The following CYSLTR1 variants were observed in gnomAD, a reference collection of about 807,000 sequenced individuals.
CYSLTR1 encodes G-protein coupled receptor HG55.
CYSLTR1 carries 1 observed loss-of-function variant against 2.1 expected under a neutral mutation model. That is an observed-to-expected ratio of 0.48 (90% CI 0.17 to 2.28). The LOEUF (loss-of-function observed/expected upper bound fraction) is 2.28, where lower values mean the gene tolerates loss of function less well. Among genes scored for constraint, CYSLTR1 ranks in the 30% most tolerant of loss-of-function variants. CYSLTR1 has a pLI of 0.26. For missense variants in CYSLTR1, 299 were observed against 250.1 expected, an observed-to-expected ratio of 1.20 and a Z score of -1.32; for synonymous variants, 110 against 89.6, an observed-to-expected ratio of 1.23 and a Z score of -1.28.
chrX:78,272,686 T>A lies in CYSLTR1; in HGVS notation c.*47A>T. ...TTTGTAAATGATTTGACAAAATACT[T>A]ATTTGGGAAACTATTTTCATTGGTT... On this transcript the variant is annotated 3_prime_UTR_variant, in exon 3 of 3. Transcript: ENST00000373304. The A allele has an allele frequency of 1.9e-6, 2 of 1,057,415 alleles. No individual in the cohort carries two copies. Among genetic ancestry groups the A allele is most frequent in the Non-Finnish European group, 1.2e-6 (1 of 806,435 alleles). 87.1% of individuals were successfully genotyped at this position (1,057,415 alleles called of 1,213,427 possible). A position where few individuals can be genotyped will look rare whatever the true frequency, so the allele number is the denominator to read the frequency against.
chrX:78,277,200 C>G (rs1431829191), intron 2 of CYSLTR1, among the ~76,000 whole-genome samples: 1 of 111,004 alleles, frequency 9.0e-6, no homozygotes, highest in African/African-American at 3.3e-5. Flanking sequence ...CAGACCTGGA[C>G]AGAGTAGGGC....
At chrX:78,274,353 G>C (rs1048312699) in intron 2 of CYSLTR1, among the ~76,000 whole-genome samples, 1 of 110,881 alleles carries the variant, frequency 9.0e-6, no homozygotes, top group East Asian at 2.8e-4. Flanking sequence ...CATGGTACTG[G>C]TACCAAAACA....
Position 78,272,668 on chromosome X carries a change from A to G in CYSLTR1, c.*65T>C, listed in dbSNP as rs201734711. The stretch of plus-strand genomic sequence containing the variant: ...AGTAAAATTTTTATTTTTTTTGTAA[A>G]TGATTTGACAAAATACTTATTTGGG... On this transcript the variant is annotated 3_prime_UTR_variant, in exon 3 of 3. Transcript: ENST00000373304. 3 of 1,024,204 alleles carry G rather than the reference A, an allele frequency of 2.9e-6. No homozygotes were observed. Among genetic ancestry groups the G allele is most frequent in the Non-Finnish European group, 3.8e-6 (3 of 781,183 alleles). The allele number at this position is 1,024,204 out of a possible 1,213,427, so 84.4% of individuals were successfully genotyped here.
chrX:78,311,496 A>C (rs1244398371), intron 1 of CYSLTR1, among the ~76,000 whole-genome samples: 4 of 112,015 alleles, frequency 3.6e-5, no homozygotes, highest in African/African-American at 1.3e-4. Flanking sequence ...CAAAGCAATT[A>C]GGCAAGGCAA....
intron 1 of CYSLTR1, among the ~76,000 whole-genome samples, chrX:78,324,461 G>A (rs900390518): frequency 9.9e-5 from 11 of 111,577 alleles, no homozygotes; most frequent in African/African-American, 3.3e-4. Context: ...TCCACCACCC[G>A]GGTTCAAGCG....
intron 2 of CYSLTR1, among the ~76,000 whole-genome samples, chrX:78,274,016 A>T (rs1349270008): frequency 1.8e-5 from 2 of 110,669 alleles, no homozygotes; most frequent in African/African-American, 6.6e-5. Context: ...ACTTCCTCTA[A>T]ATCTTCAAGA....
chrX:78,326,998 G>A (rs1388274875), intron 1 of CYSLTR1, among the ~76,000 whole-genome samples: 1 of 111,838 alleles, frequency 8.9e-6, no homozygotes, highest in Non-Finnish European at 1.9e-5. Context: ...ATGGGGATTT[G>A]AAAATGTATC....
intron 1 of CYSLTR1, among the ~76,000 whole-genome samples, chrX:78,313,397 C>T (rs1441133648): frequency 3.6e-5 from 4 of 111,197 alleles, no homozygotes; most frequent in African/African-American, 1.3e-4. Context: ...ATCATTTGTA[C>T]CCCAAACCTC....
intron 1 of CYSLTR1, among the ~76,000 whole-genome samples, chrX:78,308,470 G>C (rs1306434829): frequency 9.0e-6 from 1 of 110,963 alleles, no homozygotes; most frequent in Admixed American, 9.6e-5. Flanking sequence ...TAATAGGGCT[G>C]GAAATGGAGC....
intron 1 of CYSLTR1, among the ~76,000 whole-genome samples, chrX:78,296,157 C>T (rs1024493213): frequency 5.4e-5 from 6 of 111,543 alleles, no homozygotes; most frequent in Non-Finnish European, 9.4e-5. Flanking sequence ...AAGAGTGTGT[C>T]TTTTCCCCAG....
intron 2 of CYSLTR1, among the ~76,000 whole-genome samples, chrX:78,277,766 C>T (rs1193785842): frequency 4.5e-5 from 5 of 111,609 alleles, no homozygotes; most frequent in Admixed American, 3.8e-4. Flanking sequence ...AAGCAAAAAG[C>T]CATATGCAAA....
intron 1 of CYSLTR1, among the ~76,000 whole-genome samples, chrX:78,314,357 A>G (rs758700835): frequency 9.0e-5 from 10 of 111,566 alleles, no homozygotes; most frequent in Non-Finnish European, 1.7e-4. Flanking sequence ...GTATCAGAGG[A>G]TGGAGCAAGA....
chrX:78,306,206 C>A (rs1923024259), intron 1 of CYSLTR1, among the ~76,000 whole-genome samples: 1 of 111,136 alleles, frequency 9.0e-6, no homozygotes, highest in Non-Finnish European at 1.9e-5. Flanking sequence ...CTCTGTCACA[C>A]AGGCTGGAGT....
chrX:78,313,646 G>A (rs1321758591), intron 1 of CYSLTR1, among the ~76,000 whole-genome samples: 2 of 111,639 alleles, frequency 1.8e-5, no homozygotes, highest in Non-Finnish European at 3.8e-5. Context: ...AAGTCTATGG[G>A]CTTTAGTCAG....
In CYSLTR1 at chrX:78,307,099, G is replaced by A. The variant is rs143741885; in HGVS notation, c.-115+20206C>T. ...TGTGAAGGTGTGTTAGTTTTCTATA[G>A]TGTAACAAATTACCACCAACTAAAA... On this transcript the variant is annotated intron_variant, in intron 1 of 2. Transcript: ENST00000373304. Among the ~76,000 whole-genome samples, 303 of 112,244 alleles carry A rather than the reference G, an allele frequency of 2.7e-3. 2 individuals are homozygous for A. Among genetic ancestry groups the A allele is most frequent in the African/African-American group, 9.3e-3 (286 of 30,912 alleles).
intron 1 of CYSLTR1, among the ~76,000 whole-genome samples, chrX:78,305,523 T>A (rs759051780): frequency 6.7e-4 from 24 of 35,701 alleles, no homozygotes; most frequent in Admixed American, 4.2e-3. Context: ...AGGAAAAAAA[T>A]TTATTTTTTT....
chrX:78,293,669 A>T (rs1447897409), intron 1 of CYSLTR1, among the ~76,000 whole-genome samples: 1 of 111,186 alleles, frequency 9.0e-6, no homozygotes, highest in African/African-American at 3.3e-5. Flanking sequence ...TGGAGGCTTT[A>T]TTCATTTCTT....
intron 1 of CYSLTR1, among the ~76,000 whole-genome samples, chrX:78,294,678 T>C (rs751704906): frequency 6.2e-5 from 7 of 112,579 alleles, no homozygotes; most frequent in African/African-American, 9.7e-5. Context: ...TACTCATGCC[T>C]CAGCAATGGT....
intron 2 of CYSLTR1, 34 bp from the exon 3 acceptor site, chrX:78,273,807 T>A: frequency 9.3e-7 from 1 of 1,070,947 alleles, no homozygotes; most frequent in Non-Finnish European, 1.3e-6. Context: ...CAATTTTAAC[T>A]AGACCATAAA....
Sources: allele counts gnomAD v4.1 joint callset (sites outside exome capture counted in the v4.1 genomes callset), GRCh38; gene constraint gnomAD v4.1.1; transcripts MANE v1.5; gene names NCBI Gene and HGNC (gene_info 2026-07-23, HGNC 2026-07-21).